Variants in B4GALT6 observed in about 807,000 individuals in gnomAD.
The protein encoded by B4GALT6 is UDP-Gal:beta-GlcNAc beta-1,4-galactosyltransferase 6.
A neutral mutation model predicts 46.3 loss-of-function variants in B4GALT6; 14 were observed. The observed-to-expected ratio is 0.30, with a 90% confidence interval of 0.20 to 0.47. The LOEUF (loss-of-function observed/expected upper bound fraction) is 0.47, where lower values mean the gene tolerates loss of function less well. B4GALT6 is among the 20% of genes least tolerant of loss of function. The pLI is 0.99. For synonymous variants in B4GALT6, 168 were observed against 162.0 expected (o/e 1.04, Z -0.28); for missense variants, 386 against 480.1 (o/e 0.80, Z 1.83).
intron 4 of B4GALT6, among the ~76,000 whole-genome samples, chr18:31,642,277 A>C (rs1056183538): frequency 2.0e-5 from 3 of 152,146 alleles, no homozygotes; most frequent in African/African-American, 7.2e-5. Flanking sequence ...TCCTGGGCTC[A>C]AGTGATCCTT....
intron 6 of B4GALT6, among the ~76,000 whole-genome samples, chr18:31,628,348 T>C (rs2073729407): frequency 6.6e-6 from 1 of 152,192 alleles, no homozygotes; most frequent in South Asian, 2.1e-4. Context: ...TGGATTATTC[T>C]TGCCCAGGCT....
At chr18:31,668,847 C>CA (rs34938031) in intron 1 of B4GALT6, among the ~76,000 whole-genome samples, 58,195 of 133,508 alleles carry the variant, frequency 0.44, 13,684 homozygotes, top group South Asian at 0.65. Context: ...TAAAAAAATA[C>CA]AAAAAAAAAA....
At chr18:31,629,427 T>TA (rs1207389243) in intron 6 of B4GALT6, among the ~76,000 whole-genome samples, 1 of 150,596 alleles carries the variant, frequency 6.6e-6, no homozygotes, top group Non-Finnish European at 1.5e-5. Context: ...TTAGAATTCT[T>TA]AGTTTATATG....
At position 31,645,346 on chromosome 18, in the gene B4GALT6, T is replaced by G. The variant is rs540377067; in HGVS notation, c.471+9A>C. On this transcript the variant is annotated intron_variant, in intron 4 of 8. Coordinates refer to ENST00000306851, the MANE Select transcript of B4GALT6 (RefSeq NM_004775.5). ...CAATCAAATTGCTTATGAAAAGAAT[T>G]TACCTCACCTTCCATCTGGGTTTAC... is the stretch of plus-strand genomic sequence containing the variant. The G allele has an allele frequency of 3.7e-6, 6 of 1,612,824 alleles. No individual in the cohort carries two copies. In the South Asian group the frequency reaches 5.5e-5, roughly 15 times the overall value.
chr18:31,716,906 C>A, the B4GALT6 span, among the ~76,000 whole-genome samples: 4 of 152,226 alleles, frequency 2.6e-5, no homozygotes, highest in African/African-American at 9.6e-5. Flanking sequence ...TAGAGACCAG[C>A]CCGGCCAACA....
intron 3 of B4GALT6, among the ~76,000 whole-genome samples, chr18:31,653,917 C>T (rs1012800846): frequency 6.6e-6 from 1 of 151,252 alleles, no homozygotes; most frequent in Non-Finnish European, 1.5e-5. Flanking sequence ...TGGCTCCCAT[C>T]TCATTTTTTT....
At chr18:31,642,887 G>C (rs2073947838) in intron 4 of B4GALT6, among the ~76,000 whole-genome samples, 1 of 152,148 alleles carries the variant, frequency 6.6e-6, no homozygotes, top group Admixed American at 6.5e-5. Flanking sequence ...GTCTCAACAG[G>C]TTGGCCAGCC....
At chr18:31,635,687 G>A (rs537589952) in intron 5 of B4GALT6, among the ~76,000 whole-genome samples, 3 of 152,214 alleles carry the variant, frequency 2.0e-5, no homozygotes, top group Admixed American at 6.5e-5. Flanking sequence ...GCATGATGGT[G>A]GGTGCCTGTA....
chr18:31,710,161 G>C, the B4GALT6 span, among the ~76,000 whole-genome samples: 6 of 151,070 alleles, frequency 4.0e-5, no homozygotes, highest in East Asian at 1.2e-3. Context: ...TTCTGATTCA[G>C]ACAATTGTCT....
chr18:31,701,620 A>G, the B4GALT6 span, among the ~76,000 whole-genome samples: 215 of 152,356 alleles, frequency 1.4e-3, 2 homozygotes, highest in African/African-American at 4.6e-3. Flanking sequence ...AAATGTCCAC[A>G]GTTCAATGTT....
In B4GALT6 at chr18:31,642,416, T is replaced by C. The variant is rs147274746; in HGVS notation, c.471+2939A>G. Among the ~76,000 whole-genome samples, 356 of 152,316 alleles carry C rather than the reference T, an allele frequency of 2.3e-3. 1 individual carries two copies. The highest frequency in any genetic ancestry group is 8.1e-3 in the African/African-American group (337 of 41,574). On this transcript the variant is annotated intron_variant, in intron 4 of 8. Transcript: ENST00000306851. Reference sequence around the variant, plus strand: ...GGCCAAGACTCATCTTTGAGGTACATTGGACTATAAATGAAACTCCAGGCC... The same window carrying C: ...GGCCAAGACTCATCTTTGAGGTACACTGGACTATAAATGAAACTCCAGGCC...
intron 2 of B4GALT6, among the ~76,000 whole-genome samples, chr18:31,663,630 G>A (rs1287233438): frequency 1.3e-5 from 2 of 152,108 alleles, no homozygotes; most frequent in African/African-American, 4.8e-5. Flanking sequence ...TTATAAATGA[G>A]CCACTGCATA....
chr18:31,674,819 A>G (rs1406609354), intron 1 of B4GALT6, among the ~76,000 whole-genome samples: 1 of 152,228 alleles, frequency 6.6e-6, no homozygotes. Context: ...TTAAAAACAA[A>G]AAATAACAAA....
chr18:31,715,721 T>C, the B4GALT6 span, among the ~76,000 whole-genome samples: 2 of 151,578 alleles, frequency 1.3e-5, no homozygotes, highest in African/African-American at 4.8e-5. Context: ...TGGCTAATTT[T>C]TTTTTTTTAG....
intron 6 of B4GALT6, among the ~76,000 whole-genome samples, chr18:31,627,819 G>C (rs776083882): frequency 4.6e-5 from 7 of 152,180 alleles, no homozygotes; most frequent in Non-Finnish European, 8.8e-5. Context: ...TAGCTAAACT[G>C]TGTGTTTAGG....
At chr18:31,720,537 G>A in the B4GALT6 span, among the ~76,000 whole-genome samples, 2 of 152,262 alleles carry the variant, frequency 1.3e-5, no homozygotes, top group Non-Finnish European at 2.9e-5. Context: ...GAACCAGGGA[G>A]TTCCCAAAAG....
intron 1 of B4GALT6, among the ~76,000 whole-genome samples, chr18:31,671,453 A>T (rs1173435491): frequency 1.3e-5 from 2 of 152,190 alleles, no homozygotes; most frequent in African/African-American, 2.4e-5. Context: ...CTGGCATGAG[A>T]TGGTATCTCA....
the B4GALT6 span, among the ~76,000 whole-genome samples, chr18:31,708,433 C>T: frequency 5.3e-4 from 81 of 152,116 alleles, no homozygotes; most frequent in Non-Finnish European, 6.5e-4. Flanking sequence ...GGTGTGGTGG[C>T]GGACGCCTCT....
chr18:31,721,206 G>A, the B4GALT6 span, among the ~76,000 whole-genome samples: 3 of 151,922 alleles, frequency 2.0e-5, no homozygotes, highest in Non-Finnish European at 4.4e-5. Context: ...GGCTGGGTGG[G>A]GGATAGCATT....
Sources: gnomAD v4.1 joint callset for allele counts (sites outside exome capture counted in the v4.1 genomes callset) on GRCh38, gnomAD v4.1.1 for gene constraint, MANE v1.5 for transcripts, NCBI Gene and HGNC (gene_info 2026-07-23, HGNC 2026-07-21) for gene names.